The following SPG11 variants were observed in gnomAD, a reference collection of about 807,000 sequenced individuals.
SPG11 encodes spatacsin.
SPG11 carries 222 observed loss-of-function variants against 274.0 expected under a neutral mutation model. The ratio of observed to expected loss-of-function variants is 0.81; its 90% CI spans 0.73 to 0.91. SPG11 has a LOEUF of 0.91. SPG11 is among the 40% of genes least tolerant of loss of function. SPG11 has a pLI of 0.00. For synonymous variants in SPG11, 1,144 were observed against 1,039.7 expected (o/e 1.10, Z -1.93); for missense variants, 3,114 against 2,872.7 (o/e 1.08, Z -1.92).
At chr15:44,629,965 G>A (rs1004794287) in intron 8 of SPG11, among the ~76,000 whole-genome samples, 1 of 152,178 alleles carries the variant, frequency 6.6e-6, no homozygotes, top group Non-Finnish European at 1.5e-5. Flanking sequence ...CAGCTACTCA[G>A]GAGGCTGAGG....
chr15:44,571,433 GTAAA>G (rs1185250040), intron 33 of SPG11, among the ~76,000 whole-genome samples: 2 of 151,512 alleles, frequency 1.3e-5, no homozygotes, highest in East Asian at 3.9e-4. Flanking sequence ...TTGGCACTCA[GTAAA>G]TACTGTTGAA....
intron 7 of SPG11, among the ~76,000 whole-genome samples, chr15:44,642,349 A>T (rs1253406548): frequency 6.9e-6 from 1 of 144,314 alleles, no homozygotes; most frequent in African/African-American, 2.6e-5. Context: ...TGGGTGACAG[A>T]GTAAGACTCC....
rs1215566981 is a variant in SPG11 at position 44,620,352 on chromosome 15, T to C, written c.2672A>G (p.His891Arg). The part of the protein sequence containing the change: ...EALWRYLTAR[H>R]DWLNIILWIG... Reference sequence around the variant, plus strand: ...CCATAAGATAATGTTTAACCAATCATGGCGAGCTGTGAGGTATCTCCAGAG... The same window carrying C: ...CCATAAGATAATGTTTAACCAATCACGGCGAGCTGTGAGGTATCTCCAGAG... Residue 891 changes from histidine (H) to arginine (R), a missense_variant, in exon 15 of 40, where the codon CAT becomes CGT. By Grantham distance (29) the His-to-Arg change is conservative. Coordinates refer to ENST00000261866, the MANE Select transcript of SPG11 (RefSeq NM_025137.4). 1.9e-6 allele frequency: 3 copies of C among 1,614,096 alleles called. No homozygotes were observed. The highest frequency in any genetic ancestry group is 3.3e-4 in the Middle Eastern group (2 of 6,062).
Position 44,573,691 on chromosome 15 carries a change from G to A in SPG11, c.6061C>T (p.Arg2021Trp), listed in dbSNP as rs777943276. 25 of 1,614,168 alleles carry A rather than the reference G, an allele frequency of 1.5e-5. No individual in the cohort carries two copies. Among genetic ancestry groups the A allele is most frequent in the South Asian group, 2.2e-5 (2 of 91,086 alleles). ...GGCTGCTGAGAGGCCAAGATTTTCCGGAGCATGGCTTCACCATCCTGAGCA... is the reference window on the plus strand; with the variant it reads ...GGCTGCTGAGAGGCCAAGATTTTCCAGAGCATGGCTTCACCATCCTGAGCA... ...VAAQDGEAML[R>W]KILASQQPDR... The change falls in exon 32 of 40, where the codon CGG becomes TGG. Residue 2021 changes from arginine (R) to tryptophan (W), a missense_variant. Arg to Trp is a moderately radical substitution (Grantham distance 101, BLOSUM62 -3). Transcript: ENST00000261866.
intron 7 of SPG11, among the ~76,000 whole-genome samples, chr15:44,636,925 C>CAAAAAAAAAAAAAACAAA (rs2084276201): frequency 5.1e-5 from 1 of 19,452 alleles, no homozygotes; most frequent in Non-Finnish European, 8.0e-5. Flanking sequence ...GACTCCATCT[C>CAAAAAAAAAAAAAACAAA]AAAAAAAAAA....
intron 8 of SPG11, among the ~76,000 whole-genome samples, chr15:44,630,341 A>G (rs948628108): frequency 1.3e-5 from 2 of 152,190 alleles, no homozygotes; most frequent in African/African-American, 2.4e-5. Context: ...TTCAGGTCCC[A>G]TCTCCACCCT....
At chr15:44,568,603 T>G (rs1305748646) in intron 35 of SPG11, among the ~76,000 whole-genome samples, 3 of 152,200 alleles carry the variant, frequency 2.0e-5, no homozygotes, top group Non-Finnish European at 4.4e-5. Context: ...AAGTCAGGCC[T>G]TTGCTTCCAA....
chr15:44,620,914 G>C (rs989017877), intron 14 of SPG11: 1 of 157,532 alleles, frequency 6.3e-6, no homozygotes, highest in Admixed American at 6.2e-5. Context: ...GGCCAAGCTG[G>C]TCTTGAACTC....
At position 44,638,637 on chromosome 15, in the gene SPG11, C is replaced by T. The variant is rs999996062; in HGVS notation, c.1603-5000G>A. Among the ~76,000 whole-genome samples the T allele has an allele frequency of 8.5e-5, 13 of 152,174 alleles. 1 individual carries two copies. The South Asian group carries it at 1.2e-3, about 15-fold the overall frequency. ...TAAACTAGTTTAGGGCACAAAGGAG[C>T]TCCTGGAGTGCTTATGATGTTTTAT... On this transcript the variant is annotated intron_variant, in intron 7 of 39. Transcript: ENST00000261866.
chr15:44,620,088 A>C, intron 15 of SPG11, 102 bp downstream of exon 15: 1 of 930,904 alleles, frequency 1.1e-6, no homozygotes, highest in Non-Finnish European at 1.7e-6. Flanking sequence ...AAACAACACT[A>C]CACTGGATTT....
intron 31 of SPG11, among the ~76,000 whole-genome samples, chr15:44,574,531 CTCTTG>C (rs1051292965): frequency 6.6e-6 from 1 of 152,208 alleles, no homozygotes; most frequent in African/African-American, 2.4e-5. Flanking sequence ...CTTCCTCTGG[CTCTTG>C]TCTTTATAGT....
Position 44,613,491 on chromosome 15 carries a change from A to G in SPG11, c.3084T>C (p.His1028=), listed in dbSNP as rs768093653. Residue 1028 remains histidine, a synonymous_variant, in exon 17 of 40, where the codon CAT becomes CAC. Coordinates refer to ENST00000261866, the MANE Select transcript of SPG11 (RefSeq NM_025137.4). ...NCPFLEKKEL[H]EAHPWFEFLV... ...AAAATTCAAACCAAGGGTGTGCTTC[A>G]TGTAACTCTTTTTTTTCCAAAAAGG... is the stretch of plus-strand genomic sequence containing the variant. 3.1e-6 allele frequency: 5 copies of G among 1,614,046 alleles called. No individual in the cohort carries two copies. The South Asian group carries it at 5.5e-5, about 18-fold the overall frequency.
intron 27 of SPG11, among the ~76,000 whole-genome samples, chr15:44,591,500 A>C (rs1010735935): frequency 6.6e-6 from 1 of 152,212 alleles, no homozygotes; most frequent in Non-Finnish European, 1.5e-5. Flanking sequence ...CAGATGATGG[A>C]ACTGGTTAAG....
intron 7 of SPG11, among the ~76,000 whole-genome samples, chr15:44,647,947 C>T (rs975949337): frequency 6.6e-6 from 1 of 152,158 alleles, no homozygotes; most frequent in African/African-American, 2.4e-5. Context: ...GAAACTGGCA[C>T]ATAACATTAT....
intron 22 of SPG11, 90 bp downstream of exon 22, chr15:44,598,541 A>AC: frequency 7.2e-7 from 1 of 1,379,726 alleles, no homozygotes. Context: ...CAAGAAGATA[A>AC]CCATTTTCTC....
At chr15:44,572,914 T>TCAGCAAGCGGAGAG in intron 32 of SPG11, 94 bp from the exon 33 acceptor site, 2 of 1,257,842 alleles carry the variant, frequency 1.6e-6, no homozygotes, top group Non-Finnish European at 2.3e-6. Flanking sequence ...CTTATGGAGC[T>TCAGCAAGCGGAGAG]CTGCAGCTCT....
At chr15:44,608,407 C>G (rs965272363) in intron 19 of SPG11, 37 bp downstream of exon 19, 2 of 1,607,788 alleles carry the variant, frequency 1.2e-6, no homozygotes, top group African/African-American at 1.3e-5. Context: ...TGGCTGAACT[C>G]TGATAGACCT....
In SPG11 at chr15:44,602,045, C is replaced by T. The variant is rs552395290; in HGVS notation, c.3521-1413G>A. ...AGTTTGCTGTTGGTATATAGAAACA[C>T]TGATTTTTGTATGTTGATTTAATAT... On this transcript the variant is annotated intron_variant, in intron 20 of 39. Coordinates refer to ENST00000261866, the MANE Select transcript of SPG11 (RefSeq NM_025137.4). Among the ~76,000 whole-genome samples the T allele has an allele frequency of 4.6e-5, 7 of 152,274 alleles. No homozygotes were observed. In the South Asian group the frequency reaches 1.5e-3, roughly 32 times the overall value.
chr15:44,629,981 GA>G (rs1341252530), intron 8 of SPG11, among the ~76,000 whole-genome samples: 9 of 152,114 alleles, frequency 5.9e-5, no homozygotes, highest in African/African-American at 1.7e-4. Flanking sequence ...TGAGGCAGAA[GA>G]ATTGCTTGAA....
Sources: allele counts gnomAD v4.1 joint callset (sites outside exome capture counted in the v4.1 genomes callset), GRCh38; gene constraint gnomAD v4.1.1; transcripts MANE v1.5; gene names NCBI Gene and HGNC (gene_info 2026-07-23, HGNC 2026-07-21).